The following EHMT1 variants were observed in gnomAD, a reference collection of about 807,000 sequenced individuals.
EHMT1 encodes the protein euchromatic histone lysine methyltransferase 1.
A neutral mutation model predicts 147.2 loss-of-function variants in EHMT1; 15 were observed. The observed-to-expected ratio is 0.10, with a 90% confidence interval of 0.07 to 0.16. The LOEUF (loss-of-function observed/expected upper bound fraction) is 0.16, where lower values mean the gene tolerates loss of function less well. Among genes scored for constraint, EHMT1 ranks in the 10% least tolerant of loss-of-function variants. EHMT1 has a pLI of 1.00. For missense variants in EHMT1, 1,587 were observed against 1,772.4 expected, an observed-to-expected ratio of 0.90 and a Z score of 1.88; for synonymous variants, 795 against 709.6, an observed-to-expected ratio of 1.12 and a Z score of -1.91.
At chr9:137,830,896 G>A (rs974851187) in intron 25 of EHMT1, among the ~76,000 whole-genome samples, 2 of 152,044 alleles carry the variant, frequency 1.3e-5, no homozygotes, top group African/African-American at 2.4e-5. Flanking sequence ...TAGTCCATTC[G>A]AGCTGTGATA....
chr9:137,628,130 T>A (rs1440348240), intron 1 of EHMT1, among the ~76,000 whole-genome samples: 3 of 152,210 alleles, frequency 2.0e-5, no homozygotes, highest in African/African-American at 7.2e-5. Context: ...TTTGCCCGCA[T>A]TCCCCTTTGT....
chr9:137,668,510 C>T (rs940910748), intron 1 of EHMT1, among the ~76,000 whole-genome samples: 3 of 152,206 alleles, frequency 2.0e-5, no homozygotes, highest in Non-Finnish European at 2.9e-5. Context: ...TATACCAGAA[C>T]TACTAGTACT....
intron 16 of EHMT1, chr9:137,792,040 C>CT (rs753027973): frequency 0.013 from 4,463 of 345,042 alleles, no homozygotes; most frequent in South Asian, 0.02. Flanking sequence ...GCGCTAACAG[C>CT]TTTTTTTTTT....
chr9:137,630,985 A>C (rs1254743356), intron 1 of EHMT1, among the ~76,000 whole-genome samples: 3 of 152,108 alleles, frequency 2.0e-5, no homozygotes, highest in Non-Finnish European at 4.4e-5. Flanking sequence ...GGAGAGCGGA[A>C]GTAGGGGGCC....
At chr9:137,721,500 ACACGCCTCTCACCCTCTCC>A (rs1564638656) in intron 3 of EHMT1, among the ~76,000 whole-genome samples, 7 of 13,988 alleles carry the variant, frequency 5.0e-4, no homozygotes, top group African/African-American at 1.8e-3. Flanking sequence ...TCACCTTCTC[ACACGCCTCTCACCCTCTCC>A]CACGCCTCTC....
In EHMT1 at chr9:137,731,440, ACCTT is replaced by A. The variant is rs1383615444; in HGVS notation, c.823+2912_823+2915del. Among the ~76,000 whole-genome samples the A allele has an allele frequency of 1.3e-5, 2 of 152,132 alleles. No individual in the cohort carries two copies. Among genetic ancestry groups the A allele is most frequent in the African/African-American group, 2.4e-5 (1 of 41,420 alleles). Reference sequence around the variant, plus strand: ...CTTGTCTTGTGATGGTCATCAGTGCACCTTTCAACATGGCTGGAAAGACAGGAGT... The same window carrying A: ...CTTGTCTTGTGATGGTCATCAGTGCATCAACATGGCTGGAAAGACAGGAGT... On this transcript the variant is annotated intron_variant, in intron 4 of 26. Transcript: ENST00000460843. This position sits in a 1 kb window ranked among gnomAD's most constrained non-coding sequence, Gnocchi z 4.3.
At chr9:137,681,294 G>A (rs1941916747) in intron 1 of EHMT1, among the ~76,000 whole-genome samples, 1 of 152,168 alleles carries the variant, frequency 6.6e-6, no homozygotes, top group Admixed American at 6.5e-5. Context: ...CAGCATCTAA[G>A]TGTGCAGGGG....
rs542900462 is a variant in EHMT1 at position 137,704,118 on chromosome 9, A to G, written c.22-6849A>G. 2.0e-5 allele frequency among the ~76,000 whole-genome samples: 3 copies of G among 152,256 alleles called. No individual in the cohort carries two copies. The South Asian group carries it at 6.2e-4, about 32-fold the overall frequency. ...AGATCTTGTGAGATATATCACGAAA[A>G]CAGCAAGGGGGACATCTGCCCCCAT... On this transcript the variant is annotated intron_variant, in intron 1 of 26. Coordinates refer to ENST00000460843, the MANE Select transcript of EHMT1 (RefSeq NM_024757.5).
intron 1 of EHMT1, among the ~76,000 whole-genome samples, chr9:137,651,835 T>G (rs1291798530): frequency 6.6e-6 from 1 of 152,088 alleles, no homozygotes; most frequent in Non-Finnish European, 1.5e-5. Context: ...GAAAAGTTCC[T>G]ATTGCCCAGG....
chr9:137,622,264 G>A (rs552673828), intron 1 of EHMT1, among the ~76,000 whole-genome samples: 20 of 151,998 alleles, frequency 1.3e-4, no homozygotes, highest in South Asian at 4.2e-4. Context: ...GATTACAGGC[G>A]CCTGCCACCA....
rs760358973 is a variant in EHMT1 at position 137,744,004 on chromosome 9, C to T, written c.1084C>T (p.His362Tyr). The T allele has an allele frequency of 1.2e-6, 2 of 1,614,000 alleles. No individual in the cohort carries two copies. The highest frequency in any genetic ancestry group is 2.7e-5 in the African/African-American group (2 of 74,930). Residue 362 changes from histidine (H) to tyrosine (Y), a missense_variant, in exon 6 of 27, where the codon CAT becomes TAT. His to Tyr is a moderately conservative substitution (Grantham distance 83). This residue lies in a region of EHMT1 where 810 missense variants were observed against 673.0 expected (regional missense o/e 1.20). Coordinates refer to ENST00000460843, the MANE Select transcript of EHMT1 (RefSeq NM_024757.5). ...AGAGGAGCTCGAGGAGGACGACGGC[C>T]ATGGTGCAGAGCAGGCGGCCGCGTT... ...DSEELEEDDG[H>Y]GAEQAAAFPT... is the part of the protein sequence containing the mutation.
At chr9:137,818,495 A>G (rs57539972) in intron 25 of EHMT1, among the ~76,000 whole-genome samples, 16,565 of 118,420 alleles carry the variant, frequency 0.14, 3,645 homozygotes, top group African/African-American at 0.5. Context: ...GCCGTGTACC[A>G]AGACTGTAGA....
chr9:137,797,370 C>T (rs746831652), intron 16 of EHMT1, among the ~76,000 whole-genome samples: 18 of 152,312 alleles, frequency 1.2e-4, no homozygotes, highest in Admixed American at 7.2e-4. Context: ...CTGCCCTCCT[C>T]CTGCCTGGTG....
rs1041080436 is a variant in EHMT1 at position 137,782,125 on chromosome 9, G to T, written c.2276-166G>T. ...TTCCGCAGGAGACTAGCACACTCAA[G>T]TCTCAAGTCCAGAGGATGGTGCTGT... On this transcript the variant is annotated intron_variant, in intron 14 of 26. Transcript: ENST00000460843. This position sits in a 1 kb window ranked among gnomAD's most constrained non-coding sequence, Gnocchi z 5.7. Among the ~76,000 whole-genome samples, 10 of 152,344 alleles carry T rather than the reference G, an allele frequency of 6.6e-5. No homozygotes were observed. Among genetic ancestry groups the T allele is most frequent in the Admixed American group, 5.9e-4 (9 of 15,306 alleles).
intron 4 of EHMT1, chr9:137,728,734 G>A: frequency 1.5e-6 from 1 of 653,406 alleles, no homozygotes; most frequent in Non-Finnish European, 2.7e-6. Flanking sequence ...TGCCAGCATT[G>A]ATTTCCTAGC....
intron 1 of EHMT1, among the ~76,000 whole-genome samples, chr9:137,710,353 G>A (rs1036224248): frequency 5.3e-5 from 8 of 152,098 alleles, no homozygotes; most frequent in African/African-American, 1.4e-4. Context: ...TGCACCTGTA[G>A]TCCCAGCTAC....
intron 7 of EHMT1, among the ~76,000 whole-genome samples, chr9:137,753,733 G>GTT (rs1949161862): frequency 6.6e-6 from 1 of 152,188 alleles, no homozygotes; most frequent in African/African-American, 2.4e-5. Context: ...AATATTATAA[G>GTT]TTAATTACAG....
At chr9:137,669,061 A>AT (rs1564561667) in intron 1 of EHMT1, among the ~76,000 whole-genome samples, 1 of 151,912 alleles carries the variant, frequency 6.6e-6, no homozygotes. Flanking sequence ...TAATTTTTCT[A>AT]TTTTTAGTAC....
chr9:137,745,240 G>T lies in EHMT1; in HGVS notation c.1170+1150G>T, dbSNP rs559804378. ...TGGCGTATCCCTGAATGTATACAAA[G>T]CATTTTCTATCATTTGTCAGAGTTT... On this transcript the variant is annotated intron_variant, in intron 6 of 26. Coordinates refer to ENST00000460843, the MANE Select transcript of EHMT1 (RefSeq NM_024757.5). 6.6e-5 allele frequency among the ~76,000 whole-genome samples: 10 copies of T among 152,224 alleles called. No homozygotes were observed. In the South Asian group the frequency reaches 1.7e-3, roughly 25 times the overall value.
Sources: gnomAD v4.1 joint callset for allele counts (sites outside exome capture counted in the v4.1 genomes callset) on GRCh38, gnomAD v4.1.1 for gene constraint, gnomAD v4.1.1 regional missense constraint, Gnocchi (gnomAD v3.1) non-coding constraint, MANE v1.5 for transcripts, NCBI Gene and HGNC (gene_info 2026-07-23, HGNC 2026-07-21) for gene names.